The following IFT172 variants were observed in gnomAD, a reference collection of about 807,000 sequenced individuals.
IFT172 encodes the protein intraflagellar transport protein 172 homolog.
IFT172 carries 164 observed loss-of-function variants against 248.9 expected under a neutral mutation model. The observed-to-expected ratio is 0.66, with a 90% CI of 0.58 to 0.75. The LOEUF is 0.75. IFT172 is among the 30% of genes least tolerant of loss of function. The probability of loss-of-function intolerance (pLI) is 0.00; values close to 1 mark genes in which losing one functional copy is unlikely to be tolerated. For synonymous variants in IFT172, 729 were observed against 791.6 expected (o/e 0.92, Z 1.33); for missense variants, 1,950 against 2,192.4 (o/e 0.89, Z 2.21).
Position 27,465,840 on chromosome 2 carries a change from C to A in IFT172, c.1735G>T (p.Val579Leu). The A allele has an allele frequency of 6.2e-7, 1 of 1,614,094 alleles. No individual in the cohort carries two copies. The highest frequency in any genetic ancestry group is 8.5e-7 in the Non-Finnish European group (1 of 1,179,988). The stretch of plus-strand genomic sequence containing the variant: ...GTAGTCACACCTTCCATCACCATCA[C>A]CTCGGTCTTTCCCCCGCCCCGCTCC... ...GLERGGGKTE[V>L]MVMEGVTTVA... The change falls in exon 17 of 48, where the codon GTG (valine) becomes TTG (leucine). Residue 579 changes from valine to leucine, a missense_variant. This residue lies in a region of IFT172 where 1,166 missense variants were observed against 1,254.1 expected (regional missense o/e 0.93). Transcript: ENST00000260570.
intron 6 of IFT172, 83 bp downstream of exon 6, chr2:27,483,497 T>C (rs986864149): frequency 3.3e-6 from 5 of 1,493,694 alleles, no homozygotes; most frequent in African/African-American, 1.4e-5. Context: ...CTGCCTTTCA[T>C]ACTATGGTCT....
At chr2:27,450,914 C>T (rs755497572) in intron 35 of IFT172, among the ~76,000 whole-genome samples, 8 of 150,440 alleles carry the variant, frequency 5.3e-5, no homozygotes, top group Admixed American at 2.6e-4. Flanking sequence ...TTTAGATATA[C>T]TGTGTTAAAT....
At chr2:27,479,159 A>C (rs780115) in intron 10 of IFT172, among the ~76,000 whole-genome samples, 73,014 of 151,854 alleles carry the variant, frequency 0.48, 18,930 homozygotes, top group African/African-American at 0.67. Context: ...CACCCGCCAC[A>C]ACGCCCGGCT....
chr2:27,467,596 G>C (rs1221918156), intron 16 of IFT172, among the ~76,000 whole-genome samples: 1 of 91,982 alleles, frequency 1.1e-5, no homozygotes, highest in Non-Finnish European at 1.9e-5. Context: ...TGGCGCAACA[G>C]AATGAGACCC....
In IFT172 at chr2:27,461,448, G is replaced by C; in HGVS notation, c.2263C>G (p.Arg755Gly). ...TGGCTCTCCTGTAGTTCACCTGCTCGCTCCTCTTGCTGTGTGTCCATCAGC... is the reference window on the plus strand; with the variant it reads ...TGGCTCTCCTGTAGTTCACCTGCTCCCTCCTCTTGCTGTGTGTCCATCAGC... The part of the protein sequence containing the change: ...QWLMDTQQEE[R>G]AGELQESQGD... The change falls in exon 22 of 48, where the codon CGA (arginine) becomes GGA (glycine). Residue 755 changes from arginine to glycine, a missense_variant. Arg to Gly is a moderately radical substitution (Grantham distance 125). Coordinates refer to ENST00000260570, the MANE Select transcript of IFT172 (RefSeq NM_015662.3). 2 of 1,614,126 alleles carry C rather than the reference G, an allele frequency of 1.2e-6. No individual in the cohort carries two copies. The highest frequency in any genetic ancestry group is 1.7e-6 in the Non-Finnish European group (2 of 1,180,022).
In IFT172 at chr2:27,471,854, A is replaced by G. The variant is rs1440746818; in HGVS notation, c.1524+396T>C. Reference sequence around the variant, plus strand: ...GGAGTTCGAGACCAGCCTGGCCAACATGGTGAAAACCCATCTCTACTAAAA... The same window carrying G: ...GGAGTTCGAGACCAGCCTGGCCAACGTGGTGAAAACCCATCTCTACTAAAA... On this transcript the variant is annotated intron_variant, in intron 15 of 47. Transcript: ENST00000260570. 17 of 263,428 alleles carry G rather than the reference A, an allele frequency of 6.5e-5. No homozygotes were observed. The East Asian group carries it at 1.4e-3, about 21-fold the overall frequency. 16.3% of individuals were successfully genotyped at this position (263,428 alleles called of 1,614,324 possible).
intron 42 of IFT172, 155 bp from the exon 43 acceptor site, chr2:27,446,510 T>C (rs192566946): frequency 1.7e-6 from 1 of 591,776 alleles, no homozygotes; most frequent in Non-Finnish European, 2.9e-6. Flanking sequence ...TTTTTTTTTC[T>C]TTTTCTCTGA....
At chr2:27,465,114 G>T in intron 18 of IFT172, 1 of 316,632 alleles carries the variant, frequency 3.2e-6, no homozygotes. Flanking sequence ...TAGAGACGGG[G>T]TTTCACCATG....
rs1370705072 is a variant in IFT172 at position 27,461,420 on chromosome 2, C to T, written c.2291G>A (p.Gly764Glu). The T allele has an allele frequency of 6.2e-7, 1 of 1,614,180 alleles. No individual in the cohort carries two copies. Among genetic ancestry groups the T allele is most frequent in the Non-Finnish European group, 8.5e-7 (1 of 1,180,022 alleles). Residue 764 changes from glycine to glutamate, a missense_variant, in exon 22 of 48, where the codon GGG becomes GAG. Physicochemically the swap from Gly to Glu is moderately conservative, Grantham distance 98 (BLOSUM62 -2). This residue lies in a region of IFT172 where 1,166 missense variants were observed against 1,254.1 expected (regional missense o/e 0.93). Transcript: ENST00000260570. ...ERAGELQESQ[G>E]DGLAAISLYL... Reference sequence around the variant, plus strand: ...GAGGCTGATGGCTGCTAGCCCATCCCCTTGGCTCTCCTGTAGTTCACCTGC... The same window carrying T: ...GAGGCTGATGGCTGCTAGCCCATCCTCTTGGCTCTCCTGTAGTTCACCTGC...
At position 27,489,729 on chromosome 2, in the gene IFT172, G is replaced by T; in HGVS notation, c.-76C>A. On this transcript the variant is annotated 5_prime_UTR_variant, in exon 1 of 48. Transcript: ENST00000260570. ...TACCTGGACAACCCGCCACGCAGCC[G>T]CAGCGACAGGCACTGACGCTTATGC... 1 of 1,146,574 alleles carries T rather than the reference G, an allele frequency of 8.7e-7. No homozygotes were observed. The highest frequency in any genetic ancestry group is 1.3e-5 in the South Asian group (1 of 77,444). 71.0% of individuals were successfully genotyped at this position (1,146,574 alleles called of 1,614,324 possible).
chr2:27,476,265 G>A (rs1354898041), intron 14 of IFT172, among the ~76,000 whole-genome samples: 1 of 152,012 alleles, frequency 6.6e-6, no homozygotes, highest in Non-Finnish European at 1.5e-5. Context: ...GGACCTCTGG[G>A]TTTTGTTTTT....
At chr2:27,470,158 T>C (rs1667442710) in intron 16 of IFT172, among the ~76,000 whole-genome samples, 1 of 151,210 alleles carries the variant, frequency 6.6e-6, no homozygotes, top group African/African-American at 2.4e-5. Flanking sequence ...GGCAGGAGGA[T>C]TGGCTGAGCC....
At chr2:27,463,234 T>G in intron 18 of IFT172, 53 bp from the exon 19 acceptor site, 1 of 1,505,674 alleles carries the variant, frequency 6.6e-7, no homozygotes, top group South Asian at 1.2e-5. Context: ...GAATCATCAT[T>G]AATTCATTGG....
chr2:27,477,606 A>G lies in IFT172; in HGVS notation c.1174T>C (p.Trp392Arg). 1 of 1,607,356 alleles carries G rather than the reference A, an allele frequency of 6.2e-7. No homozygotes were observed. The highest frequency in any genetic ancestry group is 8.5e-7 in the Non-Finnish European group (1 of 1,173,744). Reference protein sequence around the residue: ...LNTNRLSEIAWQGSGGNEKYF... With the variant: ...LNTNRLSEIARQGSGGNEKYF... ...TTCTCATTGCCACCAGATCCTTGCC[A>G]GGCTATCTGTAACGGGAGAAGACTT... Residue 392 changes from tryptophan (W) to arginine (R), a missense_variant, in exon 12 of 48, where the codon TGG (tryptophan) becomes CGG (arginine). Transcript: ENST00000260570.
At chr2:27,448,041 G>A (rs1038551980) in intron 40 of IFT172, 119 bp from the exon 41 acceptor site, 4 of 589,332 alleles carry the variant, frequency 6.8e-6, no homozygotes, top group African/African-American at 1.9e-5. Context: ...ATGTGTGTGT[G>A]TGCAAGGGCT....
chr2:27,449,107 G>C, intron 39 of IFT172, 76 bp from the exon 40 acceptor site: 1 of 1,097,628 alleles, frequency 9.1e-7, no homozygotes, highest in Admixed American at 1.7e-5. Flanking sequence ...TTGAGGCCAT[G>C]TATTTGTTGA....
chr2:27,471,276 G>A (rs1356801018), intron 15 of IFT172, 181 bp from the exon 16 acceptor site: 10 of 535,584 alleles, frequency 1.9e-5, no homozygotes, highest in East Asian at 3.3e-5. Flanking sequence ...GGTCAAGTAA[G>A]AGATGACCCA....
At chr2:27,459,626 T>C in intron 24 of IFT172, 83 bp downstream of exon 24, 1 of 1,602,964 alleles carries the variant, frequency 6.2e-7, no homozygotes, top group East Asian at 2.2e-5. Context: ...TGAGATCTCT[T>C]CTTTAAGGCC....
rs370915847 is a variant in IFT172 at position 27,450,050 on chromosome 2, T to A, written c.3998A>T (p.Glu1333Val). 1 of 1,614,060 alleles carries A rather than the reference T, an allele frequency of 6.2e-7. No homozygotes were observed. Among genetic ancestry groups the A allele is most frequent in the African/African-American group, 1.3e-5 (1 of 74,918 alleles). The stretch of plus-strand genomic sequence containing the variant: ...CTGGGGTCCTACAGCCAGAACGACT[T>A]CCATATTACGTTGGGGAGGCAGAAA... ...IKFLPPQRNMEVVLAVGPQLI... is the reference protein window; with the variant it reads ...IKFLPPQRNMVVVLAVGPQLI... Residue 1333 changes from glutamate (E) to valine (V), a missense_variant, in exon 36 of 48, where the codon GAA (glutamate) becomes GTA (valine). This residue lies in a region of IFT172 where 620 missense variants were observed against 699.0 expected (regional missense o/e 0.89). Transcript: ENST00000260570.
Sources: gnomAD v4.1 joint callset for allele counts (sites outside exome capture counted in the v4.1 genomes callset) on GRCh38, gnomAD v4.1.1 for gene constraint, gnomAD v4.1.1 regional missense constraint, MANE v1.5 for transcripts, NCBI Gene and HGNC (gene_info 2026-07-23, HGNC 2026-07-21) for gene names.